The following MOB3B variants were observed in gnomAD, a reference collection of about 807,000 sequenced individuals.
MOB3B encodes the protein MOB kinase activator 3B.
A neutral mutation model predicts 18.7 loss-of-function variants in MOB3B; 7 were observed. The observed-to-expected ratio is 0.37, with a 90% CI of 0.21 to 0.70. MOB3B has a LOEUF of 0.70. MOB3B is among the 30% of genes least tolerant of loss of function. The probability of loss-of-function intolerance (pLI) is 0.52; values close to 1 mark genes in which losing one functional copy is unlikely to be tolerated. For missense variants in MOB3B, 253 were observed against 281.3 expected (o/e 0.90, Z 0.72); for synonymous variants, 111 against 99.9 (o/e 1.11, Z -0.66).
chr9:27,511,702 A>T (rs909560258), intron 1 of MOB3B, among the ~76,000 whole-genome samples: 1 of 152,240 alleles, frequency 6.6e-6, no homozygotes, highest in Non-Finnish European at 1.5e-5. Context: ...AGAAATCACT[A>T]GAAAGCTGCC....
chr9:27,377,928 C>A (rs1203661833), intron 2 of MOB3B, among the ~76,000 whole-genome samples: 2 of 152,234 alleles, frequency 1.3e-5, no homozygotes, highest in Admixed American at 1.3e-4. Context: ...CAAGCCCAGC[C>A]TGTCTTGCTC....
In MOB3B at chr9:27,429,156, G is replaced by C. The variant is rs559906304; in HGVS notation, c.418+25977C>G. Among the ~76,000 whole-genome samples the C allele has an allele frequency of 5.3e-5, 8 of 152,258 alleles. No individual in the cohort carries two copies. The South Asian group carries it at 1.7e-3, about 32-fold the overall frequency. On this transcript the variant is annotated intron_variant, in intron 2 of 3. Coordinates refer to ENST00000262244, the MANE Select transcript of MOB3B (RefSeq NM_024761.5). ...GGAAAGGCCCAGAGTTAAACTTCTA[G>C]AGCTTCTCATAAATCGTAGGAACAC...
intron 1 of MOB3B, chr9:27,526,055 T>C (rs1267254458): frequency 6.6e-6 from 1 of 152,152 alleles, no homozygotes; most frequent in African/African-American, 2.4e-5. Context: ...GCTACGCAAA[T>C]GCACCAAAAA....
chr9:27,376,481 A>T (rs778684693), intron 2 of MOB3B, among the ~76,000 whole-genome samples: 12 of 152,262 alleles, frequency 7.9e-5, no homozygotes, highest in Non-Finnish European at 1.8e-4. Flanking sequence ...TGCCGTTAGA[A>T]AAAAATGGAC....
chr9:27,330,272 G>T lies in MOB3B; in HGVS notation c.*315C>A. On this transcript the variant is annotated 3_prime_UTR_variant, in exon 4 of 4. Coordinates refer to ENST00000262244, the MANE Select transcript of MOB3B (RefSeq NM_024761.5). Reference sequence around the variant, plus strand: ...GAATTCCAGTAAAGCTTAGGCGGCAGGTCACAGGCAGAACTGTGCCATGTG... The same window carrying T: ...GAATTCCAGTAAAGCTTAGGCGGCATGTCACAGGCAGAACTGTGCCATGTG... 1 of 260,164 alleles carries T rather than the reference G, an allele frequency of 3.8e-6. No homozygotes were observed. Among genetic ancestry groups the T allele is most frequent in the Non-Finnish European group, 7.3e-6 (1 of 137,890 alleles). The allele number at this position is 260,164 out of a possible 1,614,324, so 16.1% of individuals were successfully genotyped here. A position where few individuals can be genotyped will look rare whatever the true frequency, so the allele number is the denominator to read the frequency against.
intron 2 of MOB3B, among the ~76,000 whole-genome samples, chr9:27,414,387 C>A (rs1341312501): frequency 6.6e-6 from 1 of 152,176 alleles, no homozygotes; most frequent in Non-Finnish European, 1.5e-5. Context: ...TCATCTGAAC[C>A]AGACTGTTGC....
chr9:27,399,250 T>G (rs1483243873), intron 2 of MOB3B, among the ~76,000 whole-genome samples: 5 of 152,118 alleles, frequency 3.3e-5, no homozygotes, highest in African/African-American at 1.2e-4. Flanking sequence ...CACTTCCCAG[T>G]GGGGCCCTGA....
At chr9:27,500,917 C>A (rs1819980930) in intron 1 of MOB3B, among the ~76,000 whole-genome samples, 3 of 152,048 alleles carry the variant, frequency 2.0e-5, no homozygotes, top group Admixed American at 2.0e-4. Flanking sequence ...AAACAAACAA[C>A]CCCATCAAAA....
At chr9:27,524,020 T>C (rs1209308979) in intron 1 of MOB3B, among the ~76,000 whole-genome samples, 1 of 152,094 alleles carries the variant, frequency 6.6e-6, no homozygotes, top group African/African-American at 2.4e-5. Context: ...TGCATCAGTC[T>C]TGTTATGATG....
chr9:27,357,420 C>A (rs34292270), intron 3 of MOB3B, among the ~76,000 whole-genome samples: 1 of 151,626 alleles, frequency 6.6e-6, no homozygotes, highest in Non-Finnish European at 1.5e-5. Context: ...CAAACCAATC[C>A]TGCAGAGCCT....
chr9:27,401,994 CA>C (rs1821892581), intron 2 of MOB3B, among the ~76,000 whole-genome samples: 1 of 152,220 alleles, frequency 6.6e-6, no homozygotes, highest in African/African-American at 2.4e-5. Context: ...GAATACAGCA[CA>C]GAACCTTAGA....
chr9:27,359,809 G>A (rs1312012202), intron 2 of MOB3B, among the ~76,000 whole-genome samples: 1 of 152,132 alleles, frequency 6.6e-6, no homozygotes, highest in Non-Finnish European at 1.5e-5. Flanking sequence ...AGTGGTCATC[G>A]AAGTCACTCA....
chr9:27,340,565 G>T (rs1820924396), intron 3 of MOB3B, among the ~76,000 whole-genome samples: 2 of 151,994 alleles, frequency 1.3e-5, no homozygotes, highest in African/African-American at 2.4e-5. Flanking sequence ...CCCCTCCCTA[G>T]AGCCCCGCAG....
At chr9:27,447,091 G>A (rs1058326) in intron 2 of MOB3B, among the ~76,000 whole-genome samples, 58,326 of 151,958 alleles carry the variant, frequency 0.38, 11,543 homozygotes, top group Non-Finnish European at 0.41. Flanking sequence ...ACAAAGGTTC[G>A]TTGAAGGAAA....
At chr9:27,510,210 A>C (rs2131500541) in intron 1 of MOB3B, among the ~76,000 whole-genome samples, 1 of 152,266 alleles carries the variant, frequency 6.6e-6, no homozygotes, top group East Asian at 1.9e-4. Context: ...TAAAGAGGAC[A>C]AAAGGCATTT....
At chr9:27,452,205 C>T (rs1231645786) in intron 2 of MOB3B, among the ~76,000 whole-genome samples, 1 of 149,142 alleles carries the variant, frequency 6.7e-6, no homozygotes, top group African/African-American at 2.5e-5. Context: ...TCCACCCACC[C>T]GTCCATCCAT....
At chr9:27,513,528 C>T (rs1820177865) in intron 1 of MOB3B, among the ~76,000 whole-genome samples, 1 of 152,162 alleles carries the variant, frequency 6.6e-6, no homozygotes, top group Non-Finnish European at 1.5e-5. Context: ...CCCAACCTAT[C>T]CTAGTACCAA....
At chr9:27,379,323 C>T (rs1033106157) in intron 2 of MOB3B, among the ~76,000 whole-genome samples, 2 of 152,152 alleles carry the variant, frequency 1.3e-5, no homozygotes, top group African/African-American at 4.8e-5. Context: ...CTGGGGTTTC[C>T]TTCAACTCTG....
intron 1 of MOB3B, among the ~76,000 whole-genome samples, chr9:27,461,383 C>T (rs1819285140): frequency 6.6e-6 from 1 of 152,218 alleles, no homozygotes; most frequent in African/African-American, 2.4e-5. Flanking sequence ...AGGACAACCC[C>T]AGAATGGAAG....
Sources: gnomAD v4.1 joint callset for allele counts (sites outside exome capture counted in the v4.1 genomes callset) on GRCh38, gnomAD v4.1.1 for gene constraint, MANE v1.5 for transcripts, NCBI Gene and HGNC (gene_info 2026-07-23, HGNC 2026-07-21) for gene names.